DSC2: variants seen among roughly 807,000 people sequenced by gnomAD.
The protein encoded by DSC2 is desmocollin 2.
Under a neutral mutation model 87.6 loss-of-function variants are expected in DSC2, and 51 were observed. The observed-to-expected ratio is 0.58, with a 90% CI of 0.46 to 0.74. The LOEUF (loss-of-function observed/expected upper bound fraction) is 0.74. DSC2 is among the 30% of genes least tolerant of loss of function. DSC2 has a pLI of 0.00. For synonymous variants in DSC2, 383 were observed against 393.2 expected (o/e 0.97, Z 0.31); for missense variants, 1,066 against 1,089.5 (o/e 0.98, Z 0.30).
chr18:31,078,732 T>C (rs1567976092), intron 11 of DSC2, among the ~76,000 whole-genome samples: 1 of 152,202 alleles, frequency 6.6e-6, no homozygotes, highest in Non-Finnish European at 1.5e-5. Flanking sequence ...AGAACTGGAA[T>C]ACATAAATCA....
chr18:31,082,472 A>C, intron 8 of DSC2, 49 bp from the exon 9 acceptor site: 2 of 1,511,770 alleles, frequency 1.3e-6, no homozygotes, highest in Non-Finnish European at 1.8e-6. Flanking sequence ...CTCTCACAAA[A>C]ATTGAACACG....
At chr18:31,101,350 A>C in intron 1 of DSC2, 1 of 852,704 alleles carries the variant, frequency 1.2e-6, no homozygotes, top group Non-Finnish European at 1.4e-6. Flanking sequence ...TTTTCACCCA[A>C]GGACACTCGC....
chr18:31,080,970 G>A (rs1987200695), intron 9 of DSC2, among the ~76,000 whole-genome samples: 1 of 152,004 alleles, frequency 6.6e-6, no homozygotes, highest in Admixed American at 6.6e-5. Flanking sequence ...TTCTTCAACT[G>A]CAAATTTAAG....
intron 8 of DSC2, 74 bp from the exon 9 acceptor site, chr18:31,082,497 C>T: frequency 7.6e-7 from 1 of 1,316,380 alleles, no homozygotes; most frequent in Non-Finnish European, 1.1e-6. Context: ...GAAGTAAATC[C>T]TACTCTTCTA....
intron 1 of DSC2, chr18:31,101,539 C>T: frequency 4.2e-6 from 1 of 239,676 alleles, no homozygotes. Flanking sequence ...CCCGCCCCGG[C>T]GCACTCCCGC....
intron 11 of DSC2, among the ~76,000 whole-genome samples, chr18:31,075,402 A>C (rs904648443): frequency 1.3e-5 from 2 of 152,354 alleles, no homozygotes; most frequent in East Asian, 3.9e-4. Context: ...TGGAGCAAAG[A>C]AACTGAAGTT....
intron 4 of DSC2, 52 bp downstream of exon 4, chr18:31,090,976 G>A: frequency 6.2e-7 from 1 of 1,611,370 alleles, no homozygotes; most frequent in Non-Finnish European, 8.5e-7. Flanking sequence ...GTGTCATAAT[G>A]GTAAGAGATG....
chr18:31,086,177 G>A (rs766749948), intron 7 of DSC2, among the ~76,000 whole-genome samples: 4 of 152,130 alleles, frequency 2.6e-5, no homozygotes, highest in Non-Finnish European at 5.9e-5. Flanking sequence ...AAGATTTCTA[G>A]CAGTTGATTA....
At chr18:31,100,196 C>T (rs1987892393) in intron 1 of DSC2, among the ~76,000 whole-genome samples, 1 of 152,140 alleles carries the variant, frequency 6.6e-6, no homozygotes, top group East Asian at 1.9e-4. Flanking sequence ...CAGCATACTT[C>T]CTACCCCACT....
chr18:31,068,744 C>A (rs1007750109), intron 15 of DSC2, 150 bp downstream of exon 15: 11 of 1,103,428 alleles, frequency 1.0e-5, no homozygotes, highest in African/African-American at 8.0e-5. Flanking sequence ...CTGAACATAA[C>A]TAAATTAAAA....
chr18:31,077,129 T>A (rs779448365), intron 11 of DSC2, among the ~76,000 whole-genome samples: 1 of 152,062 alleles, frequency 6.6e-6, no homozygotes, highest in Non-Finnish European at 1.5e-5. Flanking sequence ...GAGAAAACAA[T>A]GAGAAGCAGG....
At chr18:31,083,119 C>T (rs918623085) in intron 7 of DSC2, 59 bp from the exon 8 acceptor site, 1 of 1,571,686 alleles carries the variant, frequency 6.4e-7, no homozygotes, top group African/African-American at 1.4e-5. Context: ...TAATTGAAAT[C>T]TTACTTTACA....
chr18:31,069,132 G>A lies in DSC2; in HGVS notation c.2270C>T (p.Thr757Ile). The A allele has an allele frequency of 1.9e-6, 3 of 1,614,110 alleles. No individual in the cohort carries two copies. The highest frequency in any genetic ancestry group is 2.5e-6 in the Non-Finnish European group (3 of 1,179,992). ...AGCAGAAGCGCCCACAGTTTGGGTT[G>A]TGAAGCCATTCGCAGAATACTGAAA... ...DDKVYSANGF[T>I]TQTVGASAQG... Residue 757 changes from threonine (T) to isoleucine (I), a missense_variant, in exon 15 of 16, where the codon ACA (threonine) becomes ATA (isoleucine). By Grantham distance (89) the Thr-to-Ile change is moderately conservative. Transcript: ENST00000280904.
intron 11 of DSC2, among the ~76,000 whole-genome samples, chr18:31,079,479 T>C (rs1180590503): frequency 6.6e-6 from 1 of 152,140 alleles, no homozygotes; most frequent in African/African-American, 2.4e-5. Flanking sequence ...GGTCTCGAAC[T>C]CATGACCTCA....
intron 1 of DSC2, 60 bp downstream of exon 1, chr18:31,101,843 T>A: frequency 2.0e-6 from 3 of 1,495,750 alleles, no homozygotes; most frequent in South Asian, 2.5e-5. Context: ...TCCCCTAGTT[T>A]TCCTCTGCAC....
At chr18:31,079,169 T>G (rs2144810731) in intron 11 of DSC2, among the ~76,000 whole-genome samples, 1 of 152,314 alleles carries the variant, frequency 6.6e-6, no homozygotes, top group East Asian at 1.9e-4. Context: ...TGTAAGTATG[T>G]TCTCACTTTC....
At position 31,074,356 on chromosome 18, in the gene DSC2, T is replaced by C. The variant is rs549178877; in HGVS notation, c.1888+327A>G. On this transcript the variant is annotated intron_variant, in intron 12 of 15. Transcript: ENST00000280904. ...TAAAGAAATCTATGCCAGTGAGAGG[T>C]ACACAAGTTAGGAAATGACTGCATT... Among the ~76,000 whole-genome samples, 9 of 151,108 alleles carry C rather than the reference T, an allele frequency of 6.0e-5. No homozygotes were observed. The South Asian group carries it at 1.7e-3, about 28-fold the overall frequency.
rs1060502989 is a variant in DSC2, at chr18:31,086,635, A to AT, written c.882dup (p.Phe295IlefsTer23). Reference sequence around the variant, plus strand: ...ACGCCTGTAGTTGGATGCATAGAAAATAGGGTGGGTGATGGTGGCACCTGC... The same window carrying AT: ...ACGCCTGTAGTTGGATGCATAGAAAATTAGGGTGGGTGATGGTGGCACCTGC... On this transcript the variant is annotated frameshift_variant, in exon 7 of 16. Coordinates refer to ENST00000280904, the MANE Select transcript of DSC2 (RefSeq NM_024422.6). LOFTEE classifies it high-confidence loss of function. 6.2e-7 allele frequency: 1 copy of AT among 1,614,190 alleles called. No homozygotes were observed. The highest frequency in any genetic ancestry group is 8.5e-7 in the Non-Finnish European group (1 of 1,180,022).
At chr18:31,092,377 G>A in intron 2 of DSC2, 77 bp from the exon 3 acceptor site, 1 of 1,320,740 alleles carries the variant, frequency 7.6e-7, no homozygotes, top group South Asian at 1.2e-5. Flanking sequence ...ATGCACGTGG[G>A]GAGAGCCAAA....
Sources: allele counts gnomAD v4.1 joint callset (sites outside exome capture counted in the v4.1 genomes callset), GRCh38; gene constraint gnomAD v4.1.1; transcripts MANE v1.5; gene names NCBI Gene and HGNC (gene_info 2026-07-23, HGNC 2026-07-21).